Variants in EME2 observed in about 807,000 individuals in gnomAD.
The protein encoded by EME2 is structure-specific endonuclease subunit EME2.
A neutral mutation model predicts 41.9 loss-of-function variants in EME2; 58 were observed. The ratio of observed to expected loss-of-function variants is 1.38; its 90% CI spans 1.12 to 1.72. The LOEUF (loss-of-function observed/expected upper bound fraction) is 1.72, where lower values mean the gene tolerates loss of function less well. Ranked by LOEUF, EME2 falls within the 40% of genes most tolerant of loss-of-function variation. The probability of loss-of-function intolerance (pLI) is 0.00; values close to 1 mark genes in which losing one functional copy is unlikely to be tolerated. For synonymous variants in EME2, 334 were observed against 239.3 expected (o/e 1.40, Z -3.65); for missense variants, 695 against 541.9 (o/e 1.28, Z -2.81).
rs923029350 is a variant in EME2 at position 1,774,121 on chromosome 16, C to A, written c.385-139C>A. ...CTTGGCCTTGGCAGGAAAGGGAACA[C>A]TGGGCTTCTGTAGAGCAGGCCTGTC... On this transcript the variant is annotated intron_variant, in intron 2 of 7. Transcript: ENST00000568449. 1.2e-5 allele frequency: 10 copies of A among 803,568 alleles called. No individual in the cohort carries two copies. The Admixed American group carries it at 1.6e-4, about 13-fold the overall frequency. 49.8% of individuals were successfully genotyped at this position (803,568 alleles called of 1,614,324 possible).
chr16:1,781,690 C>T lies in EME2; in HGVS notation c.*5452C>T, dbSNP rs1054402403. 1 of 594,586 alleles carries T rather than the reference C, an allele frequency of 1.7e-6. No individual in the cohort carries two copies. Among genetic ancestry groups the T allele is most frequent in the East Asian group, 2.8e-5 (1 of 35,156 alleles). The allele number at this position is 594,586 out of a possible 1,614,324, so 36.8% of individuals were successfully genotyped here. A position where few individuals can be genotyped will look rare whatever the true frequency, so the allele number is the denominator to read the frequency against. On this transcript the variant is annotated 3_prime_UTR_variant, in exon 8 of 8. Coordinates refer to ENST00000568449, the MANE Select transcript of EME2 (RefSeq NM_001257370.2). ...CAGCTCAATAAAACCCAGGTAGATCCTGTGAAACGCCACCCAGACACCCAT... is the reference window on the plus strand; with the variant it reads ...CAGCTCAATAAAACCCAGGTAGATCTTGTGAAACGCCACCCAGACACCCAT...
At position 1,777,568 on chromosome 16, in the gene EME2, G is replaced by A. The variant is rs2141986502; in HGVS notation, c.*1330G>A. 2.3e-6 allele frequency: 3 copies of A among 1,327,194 alleles called. No homozygotes were observed. Among genetic ancestry groups the A allele is most frequent in the South Asian group, 1.5e-5 (1 of 68,586 alleles). The allele number at this position is 1,327,194 out of a possible 1,614,324, so 82.2% of individuals were successfully genotyped here. On this transcript the variant is annotated 3_prime_UTR_variant, in exon 8 of 8. Coordinates refer to ENST00000568449, the MANE Select transcript of EME2 (RefSeq NM_001257370.2). The stretch of plus-strand genomic sequence containing the variant: ...TGGCACAGCTGAGGCAAGGCAGGGT[G>A]CACGCGCTGGCCCTGCCACTCCAGC...
intron 3 of EME2, 188 bp from the exon 4 acceptor site, chr16:1,774,853 T>A: frequency 1.5e-6 from 1 of 660,076 alleles, no homozygotes; most frequent in Non-Finnish European, 2.7e-6. Context: ...AGGGTCTCCT[T>A]AGCCTCTTTG....
In EME2 at chr16:1,781,174, C is replaced by A; in HGVS notation, c.*4936C>A. 6.5e-7 allele frequency: 1 copy of A among 1,533,886 alleles called. No homozygotes were observed. Among genetic ancestry groups the A allele is most frequent in the Non-Finnish European group, 8.7e-7 (1 of 1,145,238 alleles). On this transcript the variant is annotated 3_prime_UTR_variant, in exon 8 of 8. Transcript: ENST00000568449. ...CCCCTGAGGCTGTGTGTGTCCTTTG[C>A]CAAATTAAAGAGTCTTACTGAATGC...
Position 1,775,571 on chromosome 16 carries a change from C to A in EME2, c.666C>A (p.Ala222=), listed in dbSNP as rs893481612. ...VAVSWPEVEE[A]LVLLQLWANL... ...CCATCAGCTTGCCTCCTCCCCAGGC[C>A]CTGGTACTCCTGCAGCTCTGGGCAA... Residue 222 remains alanine (A), a splice_region_variant and synonymous_variant, in exon 6 of 8, where the codon GCC becomes GCA. Coordinates refer to ENST00000568449, the MANE Select transcript of EME2 (RefSeq NM_001257370.2). 1.2e-6 allele frequency: 2 copies of A among 1,612,728 alleles called. No individual in the cohort carries two copies. The highest frequency in any genetic ancestry group is 2.7e-5 in the African/African-American group (2 of 74,926).
rs1437488534 is a variant in EME2 at position 1,779,597 on chromosome 16, T to A, written c.*3359T>A. On this transcript the variant is annotated 3_prime_UTR_variant, in exon 8 of 8. Coordinates refer to ENST00000568449, the MANE Select transcript of EME2 (RefSeq NM_001257370.2). ...GCCCAGACAACTCTACCCCACTGCC[T>A]AGAAGTGCGGGTCCCCAGAGCCAGG... 1 of 152,214 alleles carries A rather than the reference T, an allele frequency of 6.6e-6. No homozygotes were observed. Among genetic ancestry groups the A allele is most frequent in the African/African-American group, 2.4e-5 (1 of 41,394 alleles). 9.4% of individuals were successfully genotyped at this position (152,214 alleles called of 1,614,324 possible).
At position 1,778,953 on chromosome 16, in the gene EME2, G is replaced by T; in HGVS notation, c.*2715G>T. 1 of 218,048 alleles carries T rather than the reference G, an allele frequency of 4.6e-6. No individual in the cohort carries two copies. 13.5% of individuals were successfully genotyped at this position (218,048 alleles called of 1,614,324 possible). On this transcript the variant is annotated 3_prime_UTR_variant, in exon 8 of 8. Coordinates refer to ENST00000568449, the MANE Select transcript of EME2 (RefSeq NM_001257370.2). ...TGTGGACACCTTCCCTGCTAGGCCA[G>T]CCCTGCAGGGGCCCCCAGGCAAGGC...
Position 1,773,383 on chromosome 16 carries a change from C to A in EME2, c.156C>A (p.Asp52Glu), listed in dbSNP as rs2042658023. 6.4e-7 allele frequency: 1 copy of A among 1,553,098 alleles called. No homozygotes were observed. The highest frequency in any genetic ancestry group is 8.6e-7 in the Non-Finnish European group (1 of 1,159,486). ...CGGAGGCCGCCGCGAGAGCCCGGGA[C>A]CCAGCGGGTGAGCGCAGGGCGGCTG... ...AGSEAAARAR[D>E]PAGERRAAAE... Residue 52 changes from aspartate (D) to glutamate (E), a missense_variant, in exon 1 of 8, where the codon GAC becomes GAA. By Grantham distance (45) the Asp-to-Glu change is conservative (BLOSUM62 2). Coordinates refer to ENST00000568449, the MANE Select transcript of EME2 (RefSeq NM_001257370.2).
chr16:1,776,034 C>T lies in EME2; in HGVS notation c.970-34C>T, dbSNP rs377219719. 1,803 of 1,605,392 alleles carry T rather than the reference C, an allele frequency of 1.1e-3. 22 individuals are homozygous for T. The South Asian group carries it at 0.015, about 13-fold the overall frequency. On this transcript the variant is annotated intron_variant, in intron 7 of 7. Transcript: ENST00000568449. ...CCCTCCAGGTGCAGAAGCCCCGTCC[C>T]CAGGCGCCCTCTCATGCCTTTGCCT...
Position 1,781,168 on chromosome 16 carries a change from C to G in EME2, c.*4930C>G. ...CTGTCACCCCTGAGGCTGTGTGTGTCCTTTGCCAAATTAAAGAGTCTTACT... is the reference window on the plus strand; with the variant it reads ...CTGTCACCCCTGAGGCTGTGTGTGTGCTTTGCCAAATTAAAGAGTCTTACT... On this transcript the variant is annotated 3_prime_UTR_variant, in exon 8 of 8. Transcript: ENST00000568449. 1 of 1,532,678 alleles carries G rather than the reference C, an allele frequency of 6.5e-7. No individual in the cohort carries two copies. Among genetic ancestry groups the G allele is most frequent in the East Asian group, 2.4e-5 (1 of 40,850 alleles). 94.9% of individuals were successfully genotyped at this position (1,532,678 alleles called of 1,614,324 possible).
Position 1,778,740 on chromosome 16 carries a change from C to T in EME2, c.*2502C>T, listed in dbSNP as rs771524020. On this transcript the variant is annotated 3_prime_UTR_variant, in exon 8 of 8. Transcript: ENST00000568449. ...GGATGGGGGTCCAGGCCTCCAGGGA[C>T]TTCACAGTACCCCGAGCGCACAGCC... The T allele has an allele frequency of 9.7e-6, 10 of 1,035,096 alleles. No individual in the cohort carries two copies. Among genetic ancestry groups the T allele is most frequent in the Non-Finnish European group, 1.4e-5 (10 of 737,604 alleles). The allele number at this position is 1,035,096 out of a possible 1,614,324, so 64.1% of individuals were successfully genotyped here. A position where few individuals can be genotyped will look rare whatever the true frequency, so the allele number is the denominator to read the frequency against.
rs1268502944 is a variant in EME2, at chr16:1,781,350, G to A, written c.*5112G>A. 2 of 1,612,884 alleles carry A rather than the reference G, an allele frequency of 1.2e-6. No individual in the cohort carries two copies. The highest frequency in any genetic ancestry group is 1.6e-4 in the Middle Eastern group (1 of 6,062). ...CCAGCCACGTCCGCCTCGCCCGCTG[G>A]AACCTACCTGCCCATCAGAGTCGTA... On this transcript the variant is annotated 3_prime_UTR_variant, in exon 8 of 8. Transcript: ENST00000568449.
Position 1,778,396 on chromosome 16 carries a change from C to A in EME2, c.*2158C>A. 2 of 1,606,470 alleles carry A rather than the reference C, an allele frequency of 1.2e-6. No individual in the cohort carries two copies. The highest frequency in any genetic ancestry group is 1.7e-6 in the Non-Finnish European group (2 of 1,177,112). On this transcript the variant is annotated 3_prime_UTR_variant, in exon 8 of 8. Coordinates refer to ENST00000568449, the MANE Select transcript of EME2 (RefSeq NM_001257370.2). ...TGCCCTGCCCACCCCCAGGCCCGCCCGCAGTGCAGTCCCAGCAGGGGCTGG... is the reference window on the plus strand; with the variant it reads ...TGCCCTGCCCACCCCCAGGCCCGCCAGCAGTGCAGTCCCAGCAGGGGCTGG...
Position 1,777,736 on chromosome 16 carries a change from G to T in EME2, c.*1498G>T. 6.2e-7 allele frequency: 1 copy of T among 1,611,156 alleles called. No individual in the cohort carries two copies. The highest frequency in any genetic ancestry group is 8.5e-7 in the Non-Finnish European group (1 of 1,179,284). On this transcript the variant is annotated 3_prime_UTR_variant, in exon 8 of 8. Coordinates refer to ENST00000568449, the MANE Select transcript of EME2 (RefSeq NM_001257370.2). ...CAGCTGAGAGGAGCTCAAGTCCTGT[G>T]ACGGCCTCACCTATACACTTCCTGT...
rs1039552298 is a variant in EME2 at position 1,775,392 on chromosome 16, G to A, written c.647G>A (p.Trp216Ter). Residue 216 changes from tryptophan (W) to a stop codon, truncating the protein, a stop_gained, in exon 5 of 8, where the codon TGG becomes TAG. Transcript: ENST00000568449. LOFTEE classifies it high-confidence loss of function. ...GCCGGTGCCGAGGTGGCCGTCAGCT[G>A]GCCGGAGGTGGAAGAGGTGAGGGCC... ...KVAGAEVAVS[W>*]PEVEEALVLL... 3.7e-6 allele frequency: 6 copies of A among 1,612,506 alleles called. No homozygotes were observed. Among genetic ancestry groups the A allele is most frequent in the Non-Finnish European group, 5.1e-6 (6 of 1,179,914 alleles).
chr16:1,773,539 C>A, intron 1 of EME2, 65 bp downstream of exon 1: 1 of 1,531,436 alleles, frequency 6.5e-7, no homozygotes, highest in South Asian at 1.2e-5. Flanking sequence ...GCGGCGCCCT[C>A]TGTCCGACTG....
chr16:1,773,232 C>A lies in EME2; in HGVS notation c.5C>A (p.Ala2Glu), dbSNP rs769743931. 14 of 1,444,600 alleles carry A rather than the reference C, an allele frequency of 9.7e-6. No homozygotes were observed. The highest frequency in any genetic ancestry group is 1.3e-5 in the Non-Finnish European group (14 of 1,108,394). 89.5% of individuals were successfully genotyped at this position (1,444,600 alleles called of 1,614,324 possible). Residue 2 changes from alanine to glutamate, a missense_variant, in exon 1 of 8, where the codon GCG (alanine) becomes GAG (glutamate). Transcript: ENST00000568449. M[A>E]RVGPGRAGVS... ...GAGGAAGAGGTCGGTCCGGCCATGG[C>A]GCGGGTTGGACCCGGGAGGGCGGGG...
Position 1,777,520 on chromosome 16 carries a change from C to G in EME2, c.*1282C>G, listed in dbSNP as rs370689948. ...TGGGCGCAGCCCCTCAGACCTCACG[C>G]TACAGTCACCCGGGTGGGCAGCTGG... is the stretch of plus-strand genomic sequence containing the variant. On this transcript the variant is annotated 3_prime_UTR_variant, in exon 8 of 8. Coordinates refer to ENST00000568449, the MANE Select transcript of EME2 (RefSeq NM_001257370.2). 7.1e-7 allele frequency: 1 copy of G among 1,410,742 alleles called. No homozygotes were observed. Among genetic ancestry groups the G allele is most frequent in the African/African-American group, 1.4e-5 (1 of 69,342 alleles). The allele number at this position is 1,410,742 out of a possible 1,614,324, so 87.4% of individuals were successfully genotyped here.
rs2042696187 is a variant in EME2 at position 1,775,421 on chromosome 16, CT to C, written c.663+14del. Reference sequence around the variant, plus strand: ...GGAGGTGGAAGAGGTGAGGGCCTGTCTGAGCTGGGTGAGTCAGGTGGCCTGG... The same window carrying C: ...GGAGGTGGAAGAGGTGAGGGCCTGTCGAGCTGGGTGAGTCAGGTGGCCTGG... On this transcript the variant is annotated intron_variant, in intron 5 of 7. Transcript: ENST00000568449. 6.2e-7 allele frequency: 1 copy of C among 1,611,986 alleles called. No homozygotes were observed. The highest frequency in any genetic ancestry group is 8.5e-7 in the Non-Finnish European group (1 of 1,179,340).
Sources: gnomAD v4.1 joint callset for allele counts on GRCh38, gnomAD v4.1.1 for gene constraint, MANE v1.5 for transcripts, NCBI Gene and HGNC (gene_info 2026-07-23, HGNC 2026-07-21) for gene names.